The following HAPLN1 variants were observed in gnomAD, a reference collection of about 807,000 sequenced individuals.
HAPLN1 encodes Cartilage link protein.
In HAPLN1, 13 loss-of-function variants were observed where a neutral mutation model predicts 36.5. The ratio of observed to expected loss-of-function variants is 0.36; its 90% CI spans 0.23 to 0.57. The LOEUF (loss-of-function observed/expected upper bound fraction) is 0.57, where lower values mean the gene tolerates loss of function less well. Among genes scored for constraint, HAPLN1 ranks in the 20% least tolerant of loss-of-function variants. The probability of loss-of-function intolerance (pLI) is 0.83; values close to 1 mark genes in which losing one functional copy is unlikely to be tolerated. For synonymous variants in HAPLN1, 202 were observed against 169.8 expected (o/e 1.19, Z -1.48); for missense variants, 407 against 439.7 (o/e 0.93, Z 0.66).
intron 1 of HAPLN1, chr5:83,686,051 ATT>A (rs1278769892): frequency 6.7e-6 from 1 of 148,190 alleles, no homozygotes; most frequent in Non-Finnish European, 1.5e-5. Flanking sequence ...TTCCTGCTAA[ATT>A]TCTCTACCCT....
intron 1 of HAPLN1, among the ~76,000 whole-genome samples, chr5:83,719,233 C>T (rs1256073487): frequency 1.3e-5 from 2 of 152,160 alleles, no homozygotes; most frequent in African/African-American, 2.4e-5. Flanking sequence ...CATAATGTTT[C>T]CCCACCTTCT....
chr5:83,650,789 C>A (rs370844251), intron 3 of HAPLN1, among the ~76,000 whole-genome samples: 1 of 151,842 alleles, frequency 6.6e-6, no homozygotes, highest in African/African-American at 2.4e-5. Flanking sequence ...CGCCTGCCAC[C>A]ATGCCCGGCT....
At chr5:83,643,778 A>C (rs1314882233) in intron 4 of HAPLN1, among the ~76,000 whole-genome samples, 1 of 152,222 alleles carries the variant, frequency 6.6e-6, no homozygotes. Context: ...ACCGGGCTGC[A>C]CAAATGATGT....
At chr5:83,686,359 C>T (rs1002352464) in intron 1 of HAPLN1, among the ~76,000 whole-genome samples, 41 of 152,102 alleles carry the variant, frequency 2.7e-4, no homozygotes, top group African/African-American at 8.9e-4. Flanking sequence ...GGGAACAAGA[C>T]CAGCCTGTCA....
At chr5:83,645,221 T>A (rs921542609) in intron 3 of HAPLN1, among the ~76,000 whole-genome samples, 3 of 152,198 alleles carry the variant, frequency 2.0e-5, no homozygotes, top group African/African-American at 7.2e-5. Flanking sequence ...CTTTTAAATG[T>A]ATAAACAAGC....
At position 83,702,730 on chromosome 5, in the gene HAPLN1, T is replaced by C. The variant is rs546270859; in HGVS notation, c.-27+18059A>G. The stretch of plus-strand genomic sequence containing the variant: ...AGCTTTCAATATGCCCTCTTTTTTT[T>C]TCCCCCAACAGTTTTCCTTTTTTTT... On this transcript the variant is annotated intron_variant, in intron 1 of 4. Coordinates refer to ENST00000274341, the MANE Select transcript of HAPLN1 (RefSeq NM_001884.4). 3.2e-5 allele frequency among the ~76,000 whole-genome samples: 4 copies of C among 125,198 alleles called. No homozygotes were observed. In the East Asian group the frequency reaches 8.7e-4, roughly 27 times the overall value. 82.1% of individuals were successfully genotyped at this position (125,198 alleles called of 152,430 possible). A position where few individuals can be genotyped will look rare whatever the true frequency, so the allele number is the denominator to read the frequency against.
intron 1 of HAPLN1, among the ~76,000 whole-genome samples, chr5:83,697,529 T>C (rs1368895922): frequency 6.6e-6 from 1 of 152,186 alleles, no homozygotes; most frequent in Non-Finnish European, 1.5e-5. Flanking sequence ...TGTATGAACA[T>C]ATTTTTTGAA....
At chr5:83,707,793 A>G (rs1212748216) in intron 1 of HAPLN1, among the ~76,000 whole-genome samples, 4 of 152,336 alleles carry the variant, frequency 2.6e-5, no homozygotes, top group African/African-American at 7.2e-5. Context: ...CAGAGTAAAC[A>G]ACCTGCAGAA....
At chr5:83,664,051 T>G (rs1183990148) in intron 2 of HAPLN1, among the ~76,000 whole-genome samples, 4 of 152,186 alleles carry the variant, frequency 2.6e-5, no homozygotes, top group Non-Finnish European at 5.9e-5. Context: ...GTCTGAACTC[T>G]GAACTCTGGA....
intron 1 of HAPLN1, among the ~76,000 whole-genome samples, chr5:83,706,291 C>G (rs927395558): frequency 2.0e-5 from 3 of 152,082 alleles, no homozygotes; most frequent in Non-Finnish European, 4.4e-5. Flanking sequence ...CAAAAAACTT[C>G]AAGCCAATAT....
chr5:83,670,909 G>GA (rs1561310567), intron 2 of HAPLN1, among the ~76,000 whole-genome samples: 2 of 152,046 alleles, frequency 1.3e-5, no homozygotes, highest in African/African-American at 4.8e-5. Flanking sequence ...TGGTCAGGCT[G>GA]GTCTCAAACC....
rs543097623 is a variant in HAPLN1, at chr5:83,652,380, C to T, written c.472+73G>A. On this transcript the variant is annotated intron_variant, in intron 3 of 4. Transcript: ENST00000274341. ...CTTTATTACTGTGTTAACCACTAGA[C>T]ATTACTCTTCATGAAAAAAAAAGCA... 1,958 of 1,450,252 alleles carry T rather than the reference C, an allele frequency of 1.4e-3. 5 individuals carry two copies. Among genetic ancestry groups the T allele is most frequent in the Non-Finnish European group, 1.7e-3 (1,830 of 1,070,524 alleles). 89.8% of individuals were successfully genotyped at this position (1,450,252 alleles called of 1,614,324 possible). A position where few individuals can be genotyped will look rare whatever the true frequency, so the allele number is the denominator to read the frequency against.
In HAPLN1 at chr5:83,651,604, CAG is replaced by C. The variant is rs1354274533; in HGVS notation, c.472+847_472+848del. Among the ~76,000 whole-genome samples the C allele has an allele frequency of 2.6e-5, 4 of 152,228 alleles. No homozygotes were observed. In the East Asian group the frequency reaches 7.7e-4, roughly 29 times the overall value. On this transcript the variant is annotated intron_variant, in intron 3 of 4. Transcript: ENST00000274341. ...TCAAATAGTGACACAAATCTGTCCT[CAG>C]GGGTAAAAGGAGCTTCTAGCAAGCG...
chr5:83,663,412 C>A (rs1050089883), intron 2 of HAPLN1, among the ~76,000 whole-genome samples: 3 of 152,274 alleles, frequency 2.0e-5, no homozygotes, highest in African/African-American at 7.2e-5. Context: ...TCCCACCTGT[C>A]GGTATTGAGG....
rs531265982 is a variant in HAPLN1 at position 83,652,894 on chromosome 5, A to G, written c.101-70T>C. The G allele has an allele frequency of 5.0e-5, 65 of 1,310,500 alleles. 1 individual carries two copies. In the South Asian group the frequency reaches 1.0e-3, roughly 21 times the overall value. The allele number at this position is 1,310,500 out of a possible 1,614,324, so 81.2% of individuals were successfully genotyped here. ...CTTTCAGACATTTTCATAAAATGAA[A>G]TATATCACATATATAGGATATCTGA... On this transcript the variant is annotated intron_variant, in intron 2 of 4. Coordinates refer to ENST00000274341, the MANE Select transcript of HAPLN1 (RefSeq NM_001884.4).
Position 83,707,644 on chromosome 5 carries a change from G to T in HAPLN1, c.-27+13145C>A, listed in dbSNP as rs150907272. Among the ~76,000 whole-genome samples, 603 of 152,110 alleles carry T rather than the reference G, an allele frequency of 4.0e-3. 4 individuals carry two copies. Among genetic ancestry groups the T allele is most frequent in the African/African-American group, 0.014 (568 of 41,490 alleles). On this transcript the variant is annotated intron_variant, in intron 1 of 4. Coordinates refer to ENST00000274341, the MANE Select transcript of HAPLN1 (RefSeq NM_001884.4). Reference sequence around the variant, plus strand: ...ACTGTAAAAACCCTGGAAGATAATCGAGGCAATACCATCCTGGAAACAGGA... The same window carrying T: ...ACTGTAAAAACCCTGGAAGATAATCTAGGCAATACCATCCTGGAAACAGGA...
chr5:83,671,699 G>A (rs576721072), intron 2 of HAPLN1, among the ~76,000 whole-genome samples: 5 of 152,190 alleles, frequency 3.3e-5, no homozygotes, highest in African/African-American at 7.2e-5. Flanking sequence ...TTTCATTTAC[G>A]GGCATAACAT....
intron 4 of HAPLN1, among the ~76,000 whole-genome samples, chr5:83,643,113 C>G (rs1749751888): frequency 6.6e-6 from 1 of 152,038 alleles, no homozygotes; most frequent in Admixed American, 6.6e-5. Context: ...CATGTGAGGT[C>G]AGGAGTTGGA....
intron 1 of HAPLN1, among the ~76,000 whole-genome samples, chr5:83,677,554 G>A (rs1750887385): frequency 6.6e-6 from 1 of 152,190 alleles, no homozygotes; most frequent in Non-Finnish European, 1.5e-5. Context: ...GACATGGGCA[G>A]CCTATTGTTC....
Sources: gnomAD v4.1 joint callset for allele counts (sites outside exome capture counted in the v4.1 genomes callset) on GRCh38, gnomAD v4.1.1 for gene constraint, MANE v1.5 for transcripts, NCBI Gene and HGNC (gene_info 2026-07-23, HGNC 2026-07-21) for gene names.